The following BCAS3 variants were observed in gnomAD, a reference collection of about 807,000 sequenced individuals.
BCAS3 encodes BCAS4/BCAS3 fusion.
A neutral mutation model predicts 116.1 loss-of-function variants in BCAS3; 53 were observed. That is an observed-to-expected ratio of 0.46 (90% CI 0.37 to 0.57). The LOEUF (loss-of-function observed/expected upper bound fraction) is 0.57, where lower values mean the gene tolerates loss of function less well. Ranked by LOEUF, BCAS3 falls within the 20% of genes least tolerant of loss-of-function variation. The probability of loss-of-function intolerance (pLI) is 0.00; values close to 1 mark genes in which losing one functional copy is unlikely to be tolerated. For synonymous variants in BCAS3, 391 were observed against 408.2 expected (o/e 0.96, Z 0.51); for missense variants, 917 against 1,165.4 (o/e 0.79, Z 3.10).
chr17:61,141,176 T>C lies in BCAS3; in HGVS notation c.2425+56612T>C, dbSNP rs563212512. On this transcript the variant is annotated intron_variant, in intron 22 of 23. Coordinates refer to ENST00000407086, the MANE Select transcript of BCAS3 (RefSeq NM_017679.5). This position sits in a 1 kb window ranked among gnomAD's most constrained non-coding sequence, Gnocchi z 4.3. ...CATAAATGTTCAACATTTACGAATTTATGTTGAAGTACATAAATTCTTCAA... is the reference window on the plus strand; with the variant it reads ...CATAAATGTTCAACATTTACGAATTCATGTTGAAGTACATAAATTCTTCAA... 3.9e-5 allele frequency among the ~76,000 whole-genome samples: 6 copies of C among 152,320 alleles called. No homozygotes were observed. The East Asian group carries it at 1.2e-3, about 29-fold the overall frequency.
At chr17:60,881,189 TG>T (rs1482802453) in intron 9 of BCAS3, among the ~76,000 whole-genome samples, 3 of 152,152 alleles carry the variant, frequency 2.0e-5, no homozygotes, top group African/African-American at 7.2e-5. Flanking sequence ...TTAGCCAGGA[TG>T]GTCTCGATCT....
chr17:61,327,701 G>A lies in BCAS3; in HGVS notation c.2426-40626G>A, dbSNP rs2055856444. ...ATTTTTGTATTTTTGGTAGAGATGG[G>A]GTTTCACCATGTTGGCCAGGCAGGT... On this transcript the variant is annotated intron_variant, in intron 22 of 23. Coordinates refer to ENST00000407086, the MANE Select transcript of BCAS3 (RefSeq NM_017679.5). The surrounding 1 kb of genome is among the most constrained non-coding windows in gnomAD (Gnocchi z 5.9). Among the ~76,000 whole-genome samples the A allele has an allele frequency of 6.6e-6, 1 of 152,108 alleles. No homozygotes were observed. Among genetic ancestry groups the A allele is most frequent in the African/African-American group, 2.4e-5 (1 of 41,414 alleles).
At chr17:61,054,031 CAGAT>C (rs2069128372) in intron 19 of BCAS3, among the ~76,000 whole-genome samples, 1 of 152,202 alleles carries the variant, frequency 6.6e-6, no homozygotes, top group African/African-American at 2.4e-5. Context: ...GAAAAGATGT[CAGAT>C]AGCTGAATGA....
chr17:61,265,089 T>C lies in BCAS3; in HGVS notation c.2426-103238T>C, dbSNP rs933952076. ...ACATTAGTTACCTCACCGGGTTAGT[T>C]TGACAATTACATGGAGTACTATATA... On this transcript the variant is annotated intron_variant, in intron 22 of 23. Coordinates refer to ENST00000407086, the MANE Select transcript of BCAS3 (RefSeq NM_017679.5). This position sits in a 1 kb window ranked among gnomAD's most constrained non-coding sequence, Gnocchi z 4.3. Among the ~76,000 whole-genome samples, 1 of 152,142 alleles carries C rather than the reference T, an allele frequency of 6.6e-6. No homozygotes were observed. The highest frequency in any genetic ancestry group is 1.5e-5 in the Non-Finnish European group (1 of 68,034).
intron 6 of BCAS3, among the ~76,000 whole-genome samples, chr17:60,753,025 T>C (rs1350306739): frequency 3.4e-5 from 2 of 58,830 alleles, no homozygotes; most frequent in African/African-American, 5.4e-5. Flanking sequence ...TTAAATTTTT[T>C]GTAGAGTGAG....
At chr17:60,685,757 G>C (rs1253909660) in intron 3 of BCAS3, among the ~76,000 whole-genome samples, 3 of 152,134 alleles carry the variant, frequency 2.0e-5, no homozygotes, top group Non-Finnish European at 2.9e-5. Flanking sequence ...GAAATAATCA[G>C]ATGAGCCAGA....
chr17:60,782,561 GTTATTATTATTATTATTA>G (rs59139545), intron 6 of BCAS3, among the ~76,000 whole-genome samples: 11 of 142,462 alleles, frequency 7.7e-5, no homozygotes, highest in East Asian at 2.0e-4. Flanking sequence ...GTCTTTATAA[GTTATTATTATTATTATTA>G]TTATTATTAT....
chr17:60,891,199 A>G (rs893420650), intron 10 of BCAS3, among the ~76,000 whole-genome samples: 1 of 152,238 alleles, frequency 6.6e-6, no homozygotes, highest in Non-Finnish European at 1.5e-5. Context: ...GAGTGCTGGA[A>G]ACATTCAAGA....
intron 5 of BCAS3, among the ~76,000 whole-genome samples, chr17:60,743,227 G>A (rs978088914): frequency 6.6e-6 from 1 of 151,930 alleles, no homozygotes; most frequent in Non-Finnish European, 1.5e-5. Context: ...GCATAGTAAT[G>A]TGTGAAAGAA....
chr17:60,790,245 G>A (rs934081595), intron 6 of BCAS3, among the ~76,000 whole-genome samples: 1 of 152,136 alleles, frequency 6.6e-6, no homozygotes, highest in Non-Finnish European at 1.5e-5. Context: ...TTCAATTCAG[G>A]TTTGAGAAAA....
chr17:61,270,558 C>G (rs1279003371), intron 22 of BCAS3, among the ~76,000 whole-genome samples: 1 of 152,186 alleles, frequency 6.6e-6, no homozygotes. Context: ...CCTTTTCACA[C>G]TGTTGTCTCC....
Position 61,026,594 on chromosome 17 carries a change from A to C in BCAS3, c.1638-8072A>C, listed in dbSNP as rs991407572. Among the ~76,000 whole-genome samples, 10 of 151,958 alleles carry C rather than the reference A, an allele frequency of 6.6e-5. No homozygotes were observed. Among genetic ancestry groups the C allele is most frequent in the African/African-American group, 2.4e-4 (10 of 41,418 alleles). ...GGGCTTCAGCAGTGAATTTTATTTT[A>C]TTTTAACTTAGAAATACTACAGGGG... On this transcript the variant is annotated intron_variant, in intron 16 of 23. Transcript: ENST00000407086. This position sits in a 1 kb window ranked among gnomAD's most constrained non-coding sequence, Gnocchi z 5.0.
chr17:60,768,884 G>A (rs2044372815), intron 6 of BCAS3, among the ~76,000 whole-genome samples: 1 of 152,232 alleles, frequency 6.6e-6, no homozygotes, highest in Admixed American at 6.5e-5. Flanking sequence ...CATGTGGGCA[G>A]CTTCTCAGGC....
chr17:61,022,235 T>A (rs180969876), intron 16 of BCAS3, among the ~76,000 whole-genome samples: 44 of 151,912 alleles, frequency 2.9e-4, no homozygotes, highest in Middle Eastern at 3.4e-3. Context: ...ATATATATAT[T>A]TTTTGTTTGT....
At chr17:60,888,819 C>G (rs983160055) in intron 9 of BCAS3, among the ~76,000 whole-genome samples, 1 of 149,982 alleles carries the variant, frequency 6.7e-6, no homozygotes, top group Non-Finnish European at 1.5e-5. Context: ...GGGTCTGTCT[C>G]TTCTCTATAA....
chr17:61,230,214 T>A (rs2082595358), intron 22 of BCAS3, among the ~76,000 whole-genome samples: 2 of 152,310 alleles, frequency 1.3e-5, no homozygotes, highest in South Asian at 4.1e-4. Flanking sequence ...TTTGTTTTAA[T>A]ATGTAAGCTA....
intron 8 of BCAS3, among the ~76,000 whole-genome samples, chr17:60,873,129 C>T (rs2055284396): frequency 6.6e-6 from 1 of 151,970 alleles, no homozygotes; most frequent in South Asian, 2.1e-4. Flanking sequence ...ATATTATCAC[C>T]TTTATAAGGA....
chr17:60,987,354 T>G (rs1325777509), intron 14 of BCAS3, among the ~76,000 whole-genome samples: 1 of 151,308 alleles, frequency 6.6e-6, no homozygotes, highest in Non-Finnish European at 1.5e-5. Flanking sequence ...CATTTTAGGA[T>G]TTTTTTTTCT....
chr17:61,064,895 G>A (rs1296112769), intron 19 of BCAS3, among the ~76,000 whole-genome samples: 1 of 152,132 alleles, frequency 6.6e-6, no homozygotes, highest in Non-Finnish European at 1.5e-5. Context: ...TGTTGCATTG[G>A]TATAGGGATG....
Sources: gnomAD v4.1 joint callset for allele counts (sites outside exome capture counted in the v4.1 genomes callset) on GRCh38, gnomAD v4.1.1 for gene constraint, Gnocchi (gnomAD v3.1) non-coding constraint, MANE v1.5 for transcripts, NCBI Gene and HGNC (gene_info 2026-07-23, HGNC 2026-07-21) for gene names.